The following FBXO15 variants were observed in gnomAD, a reference collection of about 807,000 sequenced individuals.
FBXO15 encodes F-box protein 15, also known as F-box only protein 15.
A neutral mutation model predicts 49.5 loss-of-function variants in FBXO15; 30 were observed. The ratio of observed to expected loss-of-function variants is 0.61; its 90% CI spans 0.45 to 0.82. The LOEUF is 0.82. FBXO15 is among the 40% of genes least tolerant of loss of function. FBXO15 has a pLI of 0.00. For synonymous variants in FBXO15, 250 were observed against 232.7 expected, an observed-to-expected ratio of 1.07 and a Z score of -0.68; for missense variants, 591 against 631.5, an observed-to-expected ratio of 0.94 and a Z score of 0.69.
intron 9 of FBXO15, among the ~76,000 whole-genome samples, chr18:74,077,456 A>T (rs57798197): frequency 0.012 from 1,835 of 152,282 alleles, 40 homozygotes; most frequent in African/African-American, 0.042. Flanking sequence ...GAGACCACCC[A>T]GGAACCCCTC....
chr18:74,083,123 C>T (rs9319892), intron 8 of FBXO15, among the ~76,000 whole-genome samples: 12,699 of 152,218 alleles, frequency 0.083, 1,730 homozygotes, highest in African/African-American at 0.28. Context: ...GCCCCGCAAA[C>T]GGGAGCTCCT....
chr18:74,089,745 C>T (rs1912934508), intron 8 of FBXO15, among the ~76,000 whole-genome samples: 1 of 152,074 alleles, frequency 6.6e-6, no homozygotes, highest in Non-Finnish European at 1.5e-5. Flanking sequence ...GTTGAACCAA[C>T]CTTGCATCCT....
intron 9 of FBXO15, among the ~76,000 whole-genome samples, chr18:74,077,125 A>G (rs1027415515): frequency 6.6e-6 from 1 of 152,186 alleles, no homozygotes; most frequent in Non-Finnish European, 1.5e-5. Flanking sequence ...AAGCACCAAG[A>G]GGGCAGGACT....
rs1176827682 is a variant in FBXO15, at chr18:74,147,433, G to C, written c.116+237C>G. 9.8e-6 allele frequency: 11 copies of C among 1,126,496 alleles called. 1 individual carries two copies. The South Asian group carries it at 1.8e-4, about 18-fold the overall frequency. The allele number at this position is 1,126,496 out of a possible 1,614,324, so 69.8% of individuals were successfully genotyped here. A position where few individuals can be genotyped will look rare whatever the true frequency, so the allele number is the denominator to read the frequency against. On this transcript the variant is annotated intron_variant, in intron 1 of 9. Transcript: ENST00000419743. ...CAGGTGCGCGCATCCCCGGCCACAG[G>C]CGCCGCAAGAAAAAATATTTCCCCG...
chr18:74,141,595 A>C (rs1979081061), intron 1 of FBXO15, among the ~76,000 whole-genome samples: 1 of 152,192 alleles, frequency 6.6e-6, no homozygotes, highest in African/African-American at 2.4e-5. Flanking sequence ...GGGAGCAAAA[A>C]AAGAGATGCC....
chr18:74,077,522 T>G (rs573769780), intron 9 of FBXO15, among the ~76,000 whole-genome samples: 1 of 152,290 alleles, frequency 6.6e-6, no homozygotes, highest in African/African-American at 2.4e-5. Flanking sequence ...GCAGTGGTCC[T>G]GGAACAGCAG....
chr18:74,077,157 C>T (rs1360520064), intron 9 of FBXO15, among the ~76,000 whole-genome samples: 2 of 152,298 alleles, frequency 1.3e-5, no homozygotes, highest in South Asian at 2.1e-4. Context: ...GGTTCAGCAT[C>T]GTGCCCCTGG....
At chr18:74,129,060 A>G (rs189257570) in intron 5 of FBXO15, among the ~76,000 whole-genome samples, 4 of 152,332 alleles carry the variant, frequency 2.6e-5, no homozygotes, top group Non-Finnish European at 2.9e-5. Flanking sequence ...GACTATGATT[A>G]GTATACCATT....
chr18:74,082,756 G>C (rs1280445396), intron 8 of FBXO15, among the ~76,000 whole-genome samples: 1 of 152,146 alleles, frequency 6.6e-6, no homozygotes, highest in African/African-American at 2.4e-5. Context: ...AACGCACCCT[G>C]AGAAGCGACC....
chr18:74,090,911 C>T lies in FBXO15; in HGVS notation c.1139-8860G>A, dbSNP rs564723577. On this transcript the variant is annotated intron_variant, in intron 8 of 9. Transcript: ENST00000419743. ...TTGGGGTGAAGTGTTCTGTACATGG[C>T]TATTTGGTCAAGTGTCAAGTTCAGG... Among the ~76,000 whole-genome samples, 60 of 152,202 alleles carry T rather than the reference C, an allele frequency of 3.9e-4. No individual in the cohort carries two copies. The South Asian group carries it at 0.012, about 31-fold the overall frequency.
intron 5 of FBXO15, 35 bp from the exon 6 acceptor site, chr18:74,126,136 A>G (rs752619037): frequency 1.2e-6 from 2 of 1,610,690 alleles, no homozygotes; most frequent in African/African-American, 1.3e-5. Flanking sequence ...GAGAGAGAGA[A>G]GTGAGCTTTC....
chr18:74,119,546 T>G (rs1370547365), intron 8 of FBXO15, among the ~76,000 whole-genome samples: 1 of 151,802 alleles, frequency 6.6e-6, no homozygotes, highest in African/African-American at 2.4e-5. Context: ...GGCTTCTAGG[T>G]GTAGCAAAGT....
chr18:74,126,792 C>A (rs969702526), intron 5 of FBXO15, among the ~76,000 whole-genome samples: 2 of 152,212 alleles, frequency 1.3e-5, no homozygotes, highest in African/African-American at 4.8e-5. Context: ...AAAAAGGACA[C>A]CAGCTGCAGT....
chr18:74,086,295 T>G (rs979149990), intron 8 of FBXO15, among the ~76,000 whole-genome samples: 2 of 152,216 alleles, frequency 1.3e-5, no homozygotes, highest in African/African-American at 4.8e-5. Flanking sequence ...AAGAATTTCA[T>G]AAGGAGATCA....
intron 1 of FBXO15, among the ~76,000 whole-genome samples, chr18:74,142,339 G>C (rs948645657): frequency 6.6e-6 from 1 of 152,178 alleles, no homozygotes; most frequent in African/African-American, 2.4e-5. Flanking sequence ...CAGGAGAAAA[G>C]CTTAGGCTCC....
chr18:74,127,044 T>C (rs1181103480), intron 5 of FBXO15, among the ~76,000 whole-genome samples: 2 of 152,230 alleles, frequency 1.3e-5, no homozygotes, highest in African/African-American at 4.8e-5. Context: ...CAGAGAAACC[T>C]GAGGTAAAAC....
At chr18:74,141,155 G>A (rs1214884001) in intron 1 of FBXO15, among the ~76,000 whole-genome samples, 1 of 152,196 alleles carries the variant, frequency 6.6e-6, no homozygotes, top group African/African-American at 2.4e-5. Flanking sequence ...TTTTTATGCA[G>A]TGAGTCTTTT....
intron 8 of FBXO15, among the ~76,000 whole-genome samples, chr18:74,090,551 ACTTC>A (rs1211924987): frequency 1.3e-5 from 2 of 152,094 alleles, no homozygotes; most frequent in Admixed American, 6.5e-5. Flanking sequence ...AGTGCTATAA[ACTTC>A]CTTCATAACA....
chr18:74,132,768 A>G (rs867641127), intron 3 of FBXO15, among the ~76,000 whole-genome samples: 1 of 152,242 alleles, frequency 6.6e-6, no homozygotes, highest in African/African-American at 2.4e-5. Flanking sequence ...CAAGTTGTTT[A>G]GAAAATGGGG....
Sources: allele counts gnomAD v4.1 joint callset (sites outside exome capture counted in the v4.1 genomes callset), GRCh38; gene constraint gnomAD v4.1.1; transcripts MANE v1.5; gene names NCBI Gene and HGNC (gene_info 2026-07-23, HGNC 2026-07-21).